Variants in REC114 observed in about 807,000 individuals in gnomAD.
REC114 encodes REC114 meiotic recombination protein, also known as meiotic recombination protein REC114.
A neutral mutation model predicts 31.3 loss-of-function variants in REC114; 27 were observed. The ratio of observed to expected loss-of-function variants is 0.86; its 90% CI spans 0.64 to 1.19. REC114 has a LOEUF of 1.19. REC114 is among the 50% of genes most tolerant of loss of function. The pLI is 0.00. For synonymous variants in REC114, 134 were observed against 127.7 expected (o/e 1.05, Z -0.33); for missense variants, 344 against 326.9 (o/e 1.05, Z -0.40).
At position 73,450,782 on chromosome 15, in the gene REC114, A is replaced by T. The variant is rs1465894688; in HGVS notation, c.159+7438A>T. Among the ~76,000 whole-genome samples the T allele has an allele frequency of 2.0e-5, 3 of 152,220 alleles. No individual in the cohort carries two copies. In the East Asian group the frequency reaches 5.8e-4, roughly 29 times the overall value. ...CAAAAGAACGGAAATCATAACAAACAATCTCTCAGTCCACAGTGCAATAAA... is the reference window on the plus strand; with the variant it reads ...CAAAAGAACGGAAATCATAACAAACTATCTCTCAGTCCACAGTGCAATAAA... On this transcript the variant is annotated intron_variant, in intron 1 of 5. Transcript: ENST00000331090.
intron 1 of REC114, among the ~76,000 whole-genome samples, chr15:73,468,411 TTTTA>T (rs1454755814): frequency 1.3e-5 from 2 of 152,202 alleles, no homozygotes; most frequent in Admixed American, 1.3e-4. Context: ...TGCAATTGGT[TTTTA>T]TTTATTGATC....
intron 2 of REC114, among the ~76,000 whole-genome samples, chr15:73,487,758 G>A (rs1337623011): frequency 6.6e-6 from 1 of 152,178 alleles, no homozygotes; most frequent in Non-Finnish European, 1.5e-5. Flanking sequence ...TGCTGCTCCC[G>A]TGGCCTCACT....
intron 1 of REC114, among the ~76,000 whole-genome samples, chr15:73,469,603 C>T (rs1471975368): frequency 2.7e-5 from 4 of 150,454 alleles, no homozygotes; most frequent in Non-Finnish European, 5.9e-5. Context: ...CTAATTTTTA[C>T]ATTTTCTGTA....
chr15:73,480,021 C>T (rs1401849253), intron 2 of REC114, among the ~76,000 whole-genome samples: 7 of 152,084 alleles, frequency 4.6e-5, no homozygotes, highest in Admixed American at 3.3e-4. Context: ...TACTATTTCC[C>T]AAAATGGCTA....
chr15:73,551,840 T>C (rs971005922), intron 4 of REC114, among the ~76,000 whole-genome samples: 1 of 152,204 alleles, frequency 6.6e-6, no homozygotes. Context: ...TTGAAAATGA[T>C]AAAATTTAAG....
At chr15:73,459,912 G>C (rs2151253927) in intron 1 of REC114, among the ~76,000 whole-genome samples, 1 of 152,230 alleles carries the variant, frequency 6.6e-6, no homozygotes, top group East Asian at 1.9e-4. Context: ...GCTTTTGGGG[G>C]TTAATTTCTG....
chr15:73,540,671 T>A, intron 3 of REC114, 103 bp downstream of exon 3: 1 of 971,726 alleles, frequency 1.0e-6, no homozygotes, highest in Non-Finnish European at 1.6e-6. Flanking sequence ...CTGGGAAGAA[T>A]ACAAATGTTT....
intron 1 of REC114, among the ~76,000 whole-genome samples, chr15:73,446,000 A>G (rs148473855): frequency 4.4e-4 from 67 of 152,338 alleles, no homozygotes; most frequent in Non-Finnish European, 5.9e-4. Context: ...AAAAAATGTA[A>G]TATCTGTGAA....
intron 3 of REC114, 90 bp from the exon 4 acceptor site, chr15:73,550,848 G>A (rs774698351): frequency 4.0e-5 from 50 of 1,253,250 alleles, no homozygotes; most frequent in South Asian, 2.5e-4. Flanking sequence ...CTCTTCCTCC[G>A]CCAAGCAAAG....
chr15:73,523,694 T>C (rs895428072), intron 2 of REC114, among the ~76,000 whole-genome samples: 1 of 152,356 alleles, frequency 6.6e-6, no homozygotes, highest in Middle Eastern at 3.4e-3. Flanking sequence ...GCTGATACTT[T>C]AAATTTTATG....
At chr15:73,457,388 C>T (rs183334136) in intron 1 of REC114, among the ~76,000 whole-genome samples, 1 of 152,166 alleles carries the variant, frequency 6.6e-6, no homozygotes, top group Non-Finnish European at 1.5e-5. Flanking sequence ...GGAGGAGGTT[C>T]TGCAAGTGTC....
chr15:73,529,461 A>T (rs1011955871), intron 2 of REC114, among the ~76,000 whole-genome samples: 1 of 152,098 alleles, frequency 6.6e-6, no homozygotes, highest in African/African-American at 2.4e-5. Context: ...TTAGAGATAG[A>T]TTCTGAAATA....
At chr15:73,501,011 T>C (rs1893597586) in intron 2 of REC114, among the ~76,000 whole-genome samples, 1 of 152,100 alleles carries the variant, frequency 6.6e-6, no homozygotes, top group Non-Finnish European at 1.5e-5. Context: ...GAGTTGTGAG[T>C]GGGACATGGC....
At chr15:73,531,469 T>C (rs755068246) in intron 2 of REC114, among the ~76,000 whole-genome samples, 5 of 152,164 alleles carry the variant, frequency 3.3e-5, no homozygotes, top group Non-Finnish European at 4.4e-5. Flanking sequence ...TTATAATGCA[T>C]GAAAAGCAAA....
intron 2 of REC114, among the ~76,000 whole-genome samples, chr15:73,475,392 C>T (rs984422270): frequency 6.6e-6 from 1 of 152,168 alleles, no homozygotes; most frequent in African/African-American, 2.4e-5. Flanking sequence ...GAGAGGACCA[C>T]AGATATGATA....
At chr15:73,540,614 G>A in intron 3 of REC114, 46 bp downstream of exon 3, 2 of 1,515,822 alleles carry the variant, frequency 1.3e-6, no homozygotes, top group Non-Finnish European at 1.8e-6. Context: ...TTCTATGTGT[G>A]TATGTTGGGG....
intron 3 of REC114, among the ~76,000 whole-genome samples, chr15:73,541,663 G>A (rs750734575): frequency 2.6e-5 from 4 of 152,102 alleles, no homozygotes; most frequent in Non-Finnish European, 5.9e-5. Context: ...TCCCATATAA[G>A]GAAATTGACT....
chr15:73,559,712 TTACCTGTAATCTGTAACGAC>T lies in REC114; in HGVS notation c.637-38_637-19del. The T allele has an allele frequency of 6.7e-7, 1 of 1,494,352 alleles. No homozygotes were observed. The highest frequency in any genetic ancestry group is 8.9e-7 in the Non-Finnish European group (1 of 1,126,136). The allele number at this position is 1,494,352 out of a possible 1,614,324, so 92.6% of individuals were successfully genotyped here. ...GTGTTCTATTAGCCAGGTATTGCTT[TTACCTGTAATCTGTAACGAC>T]TTTTCTGGTATCCCTGCAGACTCTT... On this transcript the variant is annotated intron_variant, in intron 5 of 5. Transcript: ENST00000331090.
chr15:73,463,830 G>C (rs1893021311), intron 1 of REC114, among the ~76,000 whole-genome samples: 1 of 152,020 alleles, frequency 6.6e-6, no homozygotes, highest in South Asian at 2.1e-4. Flanking sequence ...AAAAGAGTTG[G>C]TTCCCTAGAC....
Sources: gnomAD v4.1 joint callset for allele counts (sites outside exome capture counted in the v4.1 genomes callset) on GRCh38, gnomAD v4.1.1 for gene constraint, MANE v1.5 for transcripts, NCBI Gene and HGNC (gene_info 2026-07-23, HGNC 2026-07-21) for gene names.